ZC3H12B: variants seen among roughly 807,000 people sequenced by gnomAD.
ZC3H12B encodes probable ribonuclease ZC3H12B.
A neutral mutation model predicts 43.9 loss-of-function variants in ZC3H12B; 7 were observed. The ratio of observed to expected loss-of-function variants is 0.16; its 90% CI spans 0.09 to 0.30. The LOEUF (loss-of-function observed/expected upper bound fraction) is 0.30, where lower values mean the gene tolerates loss of function less well. Among genes scored for constraint, ZC3H12B ranks in the 10% least tolerant of loss-of-function variants. ZC3H12B has a pLI of 1.00. For missense variants in ZC3H12B, 475 were observed against 670.2 expected, an observed-to-expected ratio of 0.71 and a Z score of 3.22; for synonymous variants, 222 against 241.7, an observed-to-expected ratio of 0.92 and a Z score of 0.76.
intron 3 of ZC3H12B, among the ~76,000 whole-genome samples, chrX:65,441,166 G>A (rs767335882): frequency 9.0e-6 from 1 of 111,573 alleles, no homozygotes; most frequent in South Asian, 3.8e-4. Flanking sequence ...CTCCCATTGC[G>A]GTAATAAATC....
At chrX:65,096,338 C>G in the ZC3H12B span, among the ~76,000 whole-genome samples, 1 of 110,945 alleles carries the variant, frequency 9.0e-6, no homozygotes, top group Non-Finnish European at 1.9e-5. Flanking sequence ...ATGTAACAAA[C>G]CTGCACGTCC....
chrX:65,309,748 C>T, the ZC3H12B span, among the ~76,000 whole-genome samples: 1 of 112,016 alleles, frequency 8.9e-6, no homozygotes, highest in East Asian at 2.8e-4. Context: ...TGAAAATCCT[C>T]AGTAAAATAC....
chrX:65,385,962 T>G (rs902642238), intron 2 of ZC3H12B, among the ~76,000 whole-genome samples: 1 of 112,446 alleles, frequency 8.9e-6, no homozygotes, highest in Non-Finnish European at 1.9e-5. Flanking sequence ...GATTTGCGTA[T>G]GTTGAACCAG....
exon 3 of ZC3H12B, chrX:65,499,094 C>G: frequency 8.3e-7 from 1 of 1,210,251 alleles, no homozygotes. Flanking sequence ...CTATGATGAC[C>G]GGTTCATAGT....
the ZC3H12B span, among the ~76,000 whole-genome samples, chrX:65,162,589 A>T: frequency 3.6e-5 from 4 of 111,733 alleles, no homozygotes; most frequent in East Asian, 1.1e-3. Flanking sequence ...TTCTTCACGT[A>T]GTTCTCGAGT....
chrX:65,391,668 G>A (rs751635960), intron 2 of ZC3H12B, among the ~76,000 whole-genome samples: 2 of 111,278 alleles, frequency 1.8e-5, no homozygotes, highest in Admixed American at 1.9e-4. Flanking sequence ...ACTGAGTCCT[G>A]CAGTGATGAT....
At chrX:65,098,805 C>G in the ZC3H12B span, among the ~76,000 whole-genome samples, 1 of 111,030 alleles carries the variant, frequency 9.0e-6, no homozygotes, top group Non-Finnish European at 1.9e-5. Context: ...AATGGGGCAG[C>G]TGTTTGGGCA....
chrX:65,098,303 ACAAT>A, the ZC3H12B span, among the ~76,000 whole-genome samples: 3 of 110,794 alleles, frequency 2.7e-5, no homozygotes, highest in Non-Finnish European at 5.7e-5. Flanking sequence ...GTGTCAAATA[ACAAT>A]CAAGAGATAT....
chrX:65,111,757 A>G, the ZC3H12B span, among the ~76,000 whole-genome samples: 9,086 of 109,919 alleles, frequency 0.083, 1,017 homozygotes, highest in African/African-American at 0.29. Context: ...GCCACAAACC[A>G]TGCCCATATA....
the ZC3H12B span, among the ~76,000 whole-genome samples, chrX:65,195,357 G>A: frequency 9.0e-6 from 1 of 111,227 alleles, no homozygotes; most frequent in African/African-American, 3.3e-5. Flanking sequence ...AGGTAACCAT[G>A]AAGCTTGCAA....
At chrX:65,118,376 T>C in the ZC3H12B span, among the ~76,000 whole-genome samples, 2 of 111,559 alleles carry the variant, frequency 1.8e-5, no homozygotes, top group South Asian at 7.5e-4. Context: ...CTGTTATTGG[T>C]GTAGAGGAAT....
chrX:65,338,245 C>A, the ZC3H12B span, among the ~76,000 whole-genome samples: 1 of 111,465 alleles, frequency 9.0e-6, no homozygotes, highest in Non-Finnish European at 1.9e-5. Context: ...TGTACACAAA[C>A]TGTGTACAAA....
chrX:65,085,410 T>C, the ZC3H12B span, among the ~76,000 whole-genome samples: 1 of 110,910 alleles, frequency 9.0e-6, no homozygotes, highest in Admixed American at 9.6e-5. Context: ...CTCACAAAAA[T>C]TAAAAATAAA....
the ZC3H12B span, among the ~76,000 whole-genome samples, chrX:65,300,930 G>T: frequency 9.1e-6 from 1 of 109,519 alleles, no homozygotes; most frequent in Admixed American, 9.8e-5. Flanking sequence ...TGCGAACCAT[G>T]CATCTGACAA....
the ZC3H12B span, among the ~76,000 whole-genome samples, chrX:65,116,317 C>A: frequency 5.4e-5 from 6 of 111,084 alleles, no homozygotes; most frequent in Non-Finnish European, 9.5e-5. Context: ...CCTTTCTTCA[C>A]TTTACGTTTC....
the ZC3H12B span, among the ~76,000 whole-genome samples, chrX:65,081,590 A>G: frequency 8.9e-6 from 1 of 112,040 alleles, no homozygotes; most frequent in Non-Finnish European, 1.9e-5. Context: ...GTAACAATTT[A>G]AAGTATATAT....
chrX:65,113,543 G>A, the ZC3H12B span, among the ~76,000 whole-genome samples: 1 of 106,171 alleles, frequency 9.4e-6, no homozygotes, highest in Non-Finnish European at 1.9e-5. Context: ...CAACCTGGGT[G>A]AGAGAATGAG....
intron 2 of ZC3H12B, among the ~76,000 whole-genome samples, chrX:65,371,408 A>G (rs1285176274): frequency 9.0e-6 from 1 of 111,690 alleles, no homozygotes; most frequent in East Asian, 2.8e-4. Context: ...CAGAAATCCA[A>G]CTGTGGTCTA....
the ZC3H12B span, among the ~76,000 whole-genome samples, chrX:65,289,721 G>T: frequency 9.1e-6 from 1 of 110,106 alleles, no homozygotes; most frequent in Non-Finnish European, 1.9e-5. Context: ...AAGCTGACAA[G>T]AATTTGCATT....
Sources: gnomAD v4.1 joint callset for allele counts (sites outside exome capture counted in the v4.1 genomes callset) on GRCh38, gnomAD v4.1.1 for gene constraint, MANE v1.5 for transcripts, NCBI Gene and HGNC (gene_info 2026-07-23, HGNC 2026-07-21) for gene names.